Variants in KHDRBS3 observed in about 807,000 individuals in gnomAD.
KHDRBS3 encodes KH domain-containing, RNA-binding, signal transduction-associated protein 3.
In KHDRBS3, 23 loss-of-function variants were observed where a neutral mutation model predicts 45.6. The ratio of observed to expected loss-of-function variants is 0.50; its 90% CI spans 0.36 to 0.72. KHDRBS3 has a LOEUF of 0.72. Among genes scored for constraint, KHDRBS3 ranks in the 30% least tolerant of loss-of-function variants. KHDRBS3 has a pLI of 0.00. For missense variants in KHDRBS3, 352 were observed against 424.8 expected, an observed-to-expected ratio of 0.83 and a Z score of 1.51; for synonymous variants, 162 against 156.5, an observed-to-expected ratio of 1.04 and a Z score of -0.26.
chr8:135,469,744 G>T, intron 1 of KHDRBS3, among the ~76,000 whole-genome samples: 1 of 152,136 alleles, frequency 6.6e-6, no homozygotes, highest in Non-Finnish European at 1.5e-5. Flanking sequence ...GGCCAGGCTG[G>T]TCTCAAACTC....
intron 1 of KHDRBS3, among the ~76,000 whole-genome samples, chr8:135,482,178 A>T (rs1037721007): frequency 6.6e-6 from 1 of 152,206 alleles, no homozygotes; most frequent in African/African-American, 2.4e-5. Context: ...TGCGAAGTTA[A>T]TAAAAGATGT....
intron 7 of KHDRBS3, among the ~76,000 whole-genome samples, chr8:135,633,036 A>G (rs1664545879): frequency 2.3e-5 from 1 of 43,364 alleles, no homozygotes; most frequent in African/African-American, 7.5e-5. Flanking sequence ...AGTTCTTCCA[A>G]TCTCTTAGCT....
intron 6 of KHDRBS3, among the ~76,000 whole-genome samples, chr8:135,602,620 A>G (rs1438312920): frequency 1.3e-5 from 2 of 152,172 alleles, no homozygotes; most frequent in Non-Finnish European, 2.9e-5. Context: ...TGATTCTTCA[A>G]ATAAGCACAG....
At chr8:135,515,589 A>C (rs1353352546) in intron 1 of KHDRBS3, among the ~76,000 whole-genome samples, 1 of 151,956 alleles carries the variant, frequency 6.6e-6, no homozygotes, top group Non-Finnish European at 1.5e-5. Context: ...AGCTGGGTTA[A>C]GAGCTATCCA....
In KHDRBS3 at chr8:135,458,320, G is replaced by T. The variant is rs768611040; in HGVS notation, c.88+366G>T. 1.4e-4 allele frequency: 71 copies of T among 494,824 alleles called. 1 individual carries two copies. The highest frequency in any genetic ancestry group is 1.9e-4 in the Non-Finnish European group (69 of 354,472). 30.7% of individuals were successfully genotyped at this position (494,824 alleles called of 1,614,324 possible). A position where few individuals can be genotyped will look rare whatever the true frequency, so the allele number is the denominator to read the frequency against. ...GGAAGGGGAGCGTGTTGGACTCGGG[G>T]AAGTAGGGCGTTTGGTTTGTCTAAG... On this transcript the variant is annotated intron_variant, in intron 1 of 8. Transcript: ENST00000355849.
rs538469800 is a variant in KHDRBS3, at chr8:135,475,272, C to CA, written c.88+17324dup. On this transcript the variant is annotated intron_variant, in intron 1 of 8. Coordinates refer to ENST00000355849, the MANE Select transcript of KHDRBS3 (RefSeq NM_006558.3). ...ACCACAGAGGTATGACTGTGTGTGG[C>CA]AAAAAACTGTTTATCAAGTACCTAG... 5.5e-4 allele frequency among the ~76,000 whole-genome samples: 83 copies of CA among 152,156 alleles called. 1 individual carries two copies. Among genetic ancestry groups the CA allele is most frequent in the Admixed American group, 4.2e-3 (64 of 15,290 alleles).
chr8:135,530,477 T>G (rs1478801525), intron 2 of KHDRBS3, among the ~76,000 whole-genome samples: 1 of 152,164 alleles, frequency 6.6e-6, no homozygotes, highest in Admixed American at 6.5e-5. Context: ...GGACACATAA[T>G]ACAAAGGCAG....
chr8:135,537,105 G>A (rs2130745957), intron 2 of KHDRBS3, among the ~76,000 whole-genome samples: 1 of 151,784 alleles, frequency 6.6e-6, no homozygotes, highest in East Asian at 2.0e-4. Context: ...GAACACACAG[G>A]CCTAGTCAGT....
intron 5 of KHDRBS3, among the ~76,000 whole-genome samples, chr8:135,574,061 T>C (rs1383800082): frequency 6.6e-6 from 1 of 152,200 alleles, no homozygotes; most frequent in African/African-American, 2.4e-5. Flanking sequence ...CTCATCCCCA[T>C]GTTATCAATC....
intron 7 of KHDRBS3, among the ~76,000 whole-genome samples, chr8:135,623,360 G>T (rs1377490796): frequency 1.3e-5 from 2 of 152,172 alleles, no homozygotes; most frequent in Non-Finnish European, 2.9e-5. Flanking sequence ...TTTGAATCCT[G>T]ACTGTCATGT....
chr8:135,523,630 G>A (rs1282593275), intron 2 of KHDRBS3, among the ~76,000 whole-genome samples: 1 of 152,118 alleles, frequency 6.6e-6, no homozygotes, highest in Non-Finnish European at 1.5e-5. Context: ...TATCTCCAGT[G>A]TAATGCTGAA....
At chr8:135,574,174 CG>C (rs1827842445) in intron 5 of KHDRBS3, among the ~76,000 whole-genome samples, 1 of 104,062 alleles carries the variant, frequency 9.6e-6, no homozygotes, top group African/African-American at 3.1e-5. Flanking sequence ...CATGTTAGCA[CG>C]TCACCTCCAT....
chr8:135,465,434 C>G (rs1283535522), intron 1 of KHDRBS3, among the ~76,000 whole-genome samples: 1 of 152,152 alleles, frequency 6.6e-6, no homozygotes, highest in African/African-American at 2.4e-5. Flanking sequence ...CATCTACTTT[C>G]ATTTCTTAGG....
rs1413484876 is a variant in KHDRBS3, at chr8:135,612,596, C to T, written c.890+5559C>T. Among the ~76,000 whole-genome samples the T allele has an allele frequency of 5.3e-5, 8 of 151,806 alleles. 1 individual carries two copies. The highest frequency in any genetic ancestry group is 2.1e-4 in the South Asian group (1 of 4,832). On this transcript the variant is annotated intron_variant, in intron 7 of 8. Transcript: ENST00000355849. ...AATTCAGGTTCCATAAGATTTCATA[C>T]GTAAATAGTTCTCTCAATTCAGAAT...
At chr8:135,479,530 C>G (rs1461261548) in intron 1 of KHDRBS3, among the ~76,000 whole-genome samples, 2 of 152,152 alleles carry the variant, frequency 1.3e-5, no homozygotes, top group Non-Finnish European at 2.9e-5. Flanking sequence ...GGTGGAAAGT[C>G]CAAGATTAAG....
rs371274136 is a variant in KHDRBS3 at position 135,557,557 on chromosome 8, C to G, written c.581C>G (p.Thr194Arg). The change falls in exon 5 of 9, where the codon ACA (threonine) becomes AGA (arginine). Residue 194 changes from threonine to arginine, a missense_variant. Physicochemically the swap from Thr to Arg is moderately conservative, Grantham distance 71. Transcript: ENST00000355849. ...PVVRGKPTLRTRGVPAPAITR... is the reference protein window; with the variant it reads ...PVVRGKPTLRRRGVPAPAITR... Reference sequence around the variant, plus strand: ...GTTCGAGGGAAACCCACCTTGCGTACAAGAGGTGTACCAGCCCCAGCAATA... The same window carrying G: ...GTTCGAGGGAAACCCACCTTGCGTAGAAGAGGTGTACCAGCCCCAGCAATA... The G allele has an allele frequency of 1.4e-5, 23 of 1,612,886 alleles. No homozygotes were observed. Among genetic ancestry groups the G allele is most frequent in the Non-Finnish European group, 1.9e-5 (22 of 1,179,008 alleles).
chr8:135,634,553 TAA>T (rs1486915233), intron 7 of KHDRBS3, among the ~76,000 whole-genome samples: 1 of 152,250 alleles, frequency 6.6e-6, no homozygotes, highest in African/African-American at 2.4e-5. Context: ...ATTTGAAACT[TAA>T]GTTTGTTTCT....
chr8:135,492,781 A>G (rs775689685), intron 1 of KHDRBS3, among the ~76,000 whole-genome samples: 1 of 152,106 alleles, frequency 6.6e-6, no homozygotes, highest in African/African-American at 2.4e-5. Context: ...CCCTGTTTAT[A>G]TAAGGACCTT....
At chr8:135,532,575 G>GT (rs949200309) in intron 2 of KHDRBS3, among the ~76,000 whole-genome samples, 3 of 152,000 alleles carry the variant, frequency 2.0e-5, no homozygotes, top group Non-Finnish European at 4.4e-5. Flanking sequence ...ACACGGAGTG[G>GT]TTTTTTGTGT....
Sources: gnomAD v4.1 joint callset for allele counts (sites outside exome capture counted in the v4.1 genomes callset) on GRCh38, gnomAD v4.1.1 for gene constraint, MANE v1.5 for transcripts, NCBI Gene and HGNC (gene_info 2026-07-23, HGNC 2026-07-21) for gene names.